Variants in ITGAE observed in about 807,000 individuals in gnomAD.
ITGAE encodes the protein integrin alpha-E.
Under a neutral mutation model 136.5 loss-of-function variants are expected in ITGAE, and 99 were observed. That is an observed-to-expected ratio of 0.73 (90% confidence interval 0.62 to 0.86). The LOEUF is 0.86. Among genes scored for constraint, ITGAE ranks in the 40% least tolerant of loss-of-function variants. ITGAE has a pLI of 0.00. For synonymous variants in ITGAE, 613 were observed against 591.8 expected (o/e 1.04, Z -0.52); for missense variants, 1,447 against 1,515.3 (o/e 0.95, Z 0.75).
chr17:3,740,439 C>T (rs1334165279), intron 19 of ITGAE, among the ~76,000 whole-genome samples: 1 of 152,168 alleles, frequency 6.6e-6, no homozygotes, highest in Admixed American at 6.6e-5. Context: ...TGCAATGGCG[C>T]GATCTCGGCT....
intron 19 of ITGAE, among the ~76,000 whole-genome samples, chr17:3,741,241 CT>C (rs2143014581): frequency 1.0e-5 from 1 of 95,972 alleles, no homozygotes; most frequent in African/African-American, 7.4e-5. Context: ...CCACGCCCAG[CT>C]AATTTTTTTT....
intron 3 of ITGAE, among the ~76,000 whole-genome samples, chr17:3,763,632 G>A (rs950825807): frequency 6.6e-6 from 1 of 152,124 alleles, no homozygotes; most frequent in African/African-American, 2.4e-5. Context: ...CACGCAATAC[G>A]CTGTAGGTAT....
At chr17:3,787,505 G>A (rs1308748434) in intron 1 of ITGAE, among the ~76,000 whole-genome samples, 3 of 152,112 alleles carry the variant, frequency 2.0e-5, no homozygotes, top group East Asian at 3.9e-4. Flanking sequence ...CAATCCTCCC[G>A]CCCTGGCATA....
intron 19 of ITGAE, among the ~76,000 whole-genome samples, chr17:3,742,460 T>G (rs1449539804): frequency 2.0e-5 from 3 of 148,440 alleles, no homozygotes; most frequent in Non-Finnish European, 1.5e-5. Context: ...TTTGTGGTTT[T>G]TTTTTTTTTT....
Position 3,757,573 on chromosome 17 carries a change from A to G in ITGAE, c.1020+133T>C, listed in dbSNP as rs992574375. On this transcript the variant is annotated intron_variant, in intron 9 of 30. Coordinates refer to ENST00000263087, the MANE Select transcript of ITGAE (RefSeq NM_002208.5). The stretch of plus-strand genomic sequence containing the variant: ...CTCTCTGGGATGACAGAGCATGGAG[A>G]GAAGAGGAGCATTTGCAAATAGAAC... 28 of 971,188 alleles carry G rather than the reference A, an allele frequency of 2.9e-5. No homozygotes were observed. In the South Asian group the frequency reaches 4.4e-4, roughly 15 times the overall value. 60.2% of individuals were successfully genotyped at this position (971,188 alleles called of 1,614,324 possible). A position where few individuals can be genotyped will look rare whatever the true frequency, so the allele number is the denominator to read the frequency against.
chr17:3,767,528 T>C (rs11657731), intron 2 of ITGAE, among the ~76,000 whole-genome samples: 23,250 of 152,234 alleles, frequency 0.15, 2,374 homozygotes, highest in African/African-American at 0.28. Context: ...CCACCGTGCC[T>C]GACTCTCCAA....
rs368303832 is a variant in ITGAE at position 3,750,043 on chromosome 17, TG to T, written c.2024+308del. Among the ~76,000 whole-genome samples, 871 of 152,234 alleles carry T rather than the reference TG, an allele frequency of 5.7e-3. 10 individuals carry two copies. The highest frequency in any genetic ancestry group is 0.018 in the African/African-American group (753 of 41,532). ...AAAAAAAACAAAAAACAAAAAACTC[TG>T]CAATCACAGCCATCGCTGAGCACTG... is the stretch of plus-strand genomic sequence containing the variant. On this transcript the variant is annotated intron_variant, in intron 16 of 30. Transcript: ENST00000263087.
At chr17:3,757,318 A>G (rs2052052675) in intron 9 of ITGAE, among the ~76,000 whole-genome samples, 184 bp from the exon 10 acceptor site, 1 of 152,014 alleles carries the variant, frequency 6.6e-6, no homozygotes, top group Non-Finnish European at 1.5e-5. Flanking sequence ...TTACCAAAGT[A>G]CACCTGTTCT....
In ITGAE at chr17:3,759,482, C is replaced by G. The variant is rs779363237; in HGVS notation, c.786G>C (p.Val262=). The G allele has an allele frequency of 3.1e-6, 5 of 1,614,202 alleles. No homozygotes were observed. The South Asian group carries it at 5.5e-5, about 18-fold the overall frequency. ...TEFDLRDSQD[V]MASLARVQNI... Reference sequence around the variant, plus strand: ...TCTGGACTCTGGCGAGGGAGGCCATCACATCCTGGCTGTCCCGAAGGTCAA... The same window carrying G: ...TCTGGACTCTGGCGAGGGAGGCCATGACATCCTGGCTGTCCCGAAGGTCAA... The change falls in exon 8 of 31, where the codon GTG becomes GTC. Residue 262 remains valine, a synonymous_variant. Transcript: ENST00000263087.
chr17:3,730,793 G>A (rs151225533), intron 23 of ITGAE, among the ~76,000 whole-genome samples: 11 of 152,258 alleles, frequency 7.2e-5, no homozygotes, highest in South Asian at 2.1e-4. Flanking sequence ...CAACACAGAG[G>A]TCTTGCAGGT....
chr17:3,769,631 C>T (rs2052374190), intron 2 of ITGAE, among the ~76,000 whole-genome samples: 1 of 152,216 alleles, frequency 6.6e-6, no homozygotes, highest in African/African-American at 2.4e-5. Context: ...TGGGTACAGC[C>T]CAGCAACCCT....
At chr17:3,747,686 A>C (rs2051750600) in intron 17 of ITGAE, among the ~76,000 whole-genome samples, 1 of 152,080 alleles carries the variant, frequency 6.6e-6, no homozygotes, top group South Asian at 2.1e-4. Context: ...CAACAGTGTC[A>C]GCTCTAAACC....
At chr17:3,744,174 G>A (rs2051658239) in intron 18 of ITGAE, among the ~76,000 whole-genome samples, 3 of 151,690 alleles carry the variant, frequency 2.0e-5, no homozygotes, top group Non-Finnish European at 4.4e-5. Flanking sequence ...ACCGCACCTT[G>A]CAAGAATACT....
chr17:3,734,295 G>A (rs563127841), intron 21 of ITGAE, among the ~76,000 whole-genome samples: 3 of 152,198 alleles, frequency 2.0e-5, no homozygotes, highest in South Asian at 2.1e-4. Context: ...GGATGGTCTC[G>A]ATCTCCTGAC....
At position 3,745,942 on chromosome 17, in the gene ITGAE, C is replaced by T. The variant is rs2051703010; in HGVS notation, c.2156-15G>A. The T allele has an allele frequency of 3.1e-6, 5 of 1,609,624 alleles. No individual in the cohort carries two copies. The highest frequency in any genetic ancestry group is 1.3e-5 in the African/African-American group (1 of 74,978). On this transcript the variant is annotated splice_polypyrimidine_tract_variant and intron_variant, in intron 17 of 30. Coordinates refer to ENST00000263087, the MANE Select transcript of ITGAE (RefSeq NM_002208.5). ...CTCGCGGAGGCCTGGGAATGAAGAC[C>T]AGACCTTCCCGATGAGGTGGGGATG... is the stretch of plus-strand genomic sequence containing the variant.
At chr17:3,751,117 C>T (rs932671176) in intron 15 of ITGAE, among the ~76,000 whole-genome samples, 1 of 151,890 alleles carries the variant, frequency 6.6e-6, no homozygotes, top group Non-Finnish European at 1.5e-5. Flanking sequence ...AGAGGAGCAT[C>T]AGTTCTAGGG....
rs988139388 is a variant in ITGAE, at chr17:3,799,561, T to C, written c.34+1550A>G. Among the ~76,000 whole-genome samples the C allele has an allele frequency of 6.6e-6, 1 of 152,066 alleles. No individual in the cohort carries two copies. Among genetic ancestry groups the C allele is most frequent in the African/African-American group, 2.4e-5 (1 of 41,390 alleles). On this transcript the variant is annotated intron_variant, in intron 1 of 30. Coordinates refer to ENST00000263087, the MANE Select transcript of ITGAE (RefSeq NM_002208.5). This position sits in a 1 kb window ranked among gnomAD's most constrained non-coding sequence, Gnocchi z 4.1. Reference sequence around the variant, plus strand: ...GGCCTGGGCTTGAGCCTCGTGTCTATTATCAGTTGCTTGCAAGCCTGGGTA... The same window carrying C: ...GGCCTGGGCTTGAGCCTCGTGTCTACTATCAGTTGCTTGCAAGCCTGGGTA...
In ITGAE at chr17:3,757,636, G is replaced by A. The variant is rs1335700373; in HGVS notation, c.1020+70C>T. On this transcript the variant is annotated intron_variant, in intron 9 of 30. Transcript: ENST00000263087. ...AGCTGCTTACAGAAAAGCCCCCATC[G>A]ACAACCCTGGCTTCTCCCCACCCCA... 28 of 1,547,662 alleles carry A rather than the reference G, an allele frequency of 1.8e-5. No homozygotes were observed. The South Asian group carries it at 2.4e-4, about 14-fold the overall frequency.
At chr17:3,769,465 C>A (rs2052370874) in intron 2 of ITGAE, among the ~76,000 whole-genome samples, 1 of 152,106 alleles carries the variant, frequency 6.6e-6, no homozygotes. Context: ...TGGCCTGGGG[C>A]CCTCTGAGCT....
Sources: allele counts gnomAD v4.1 joint callset (sites outside exome capture counted in the v4.1 genomes callset), GRCh38; gene constraint gnomAD v4.1.1; non-coding constraint Gnocchi (gnomAD v3.1); transcripts MANE v1.5; gene names NCBI Gene and HGNC (gene_info 2026-07-23, HGNC 2026-07-21).